Variants in LOC400499 observed in about 807,000 individuals in gnomAD.
the LOC400499 span, chr16:11,383,890 C>A: frequency 1.6e-6 from 2 of 1,232,122 alleles, no homozygotes; most frequent in Non-Finnish European, 2.0e-6. Flanking sequence ...ACTCACCACC[C>A]GGAAGCAGTC....
At chr16:11,449,081 C>G in the LOC400499 span, 1 of 1,476,370 alleles carries the variant, frequency 6.8e-7, no homozygotes. Flanking sequence ...GGAAGAGGCT[C>G]TGTGCCAAGA....
chr16:11,421,418 T>C, the LOC400499 span, among the ~76,000 whole-genome samples: 20 of 152,106 alleles, frequency 1.3e-4, no homozygotes, highest in Middle Eastern at 3.4e-3. Context: ...TGTTTTTTTT[T>C]TGAGACTGAG....
At chr16:11,470,065 G>GTT in the LOC400499 span, among the ~76,000 whole-genome samples, 2 of 151,724 alleles carry the variant, frequency 1.3e-5, no homozygotes, top group African/African-American at 4.8e-5. Flanking sequence ...AACAAGCCCA[G>GTT]TTTTTTTTTG....
the LOC400499 span, among the ~76,000 whole-genome samples, chr16:11,402,513 G>A: frequency 6.6e-5 from 10 of 152,298 alleles, no homozygotes; most frequent in African/African-American, 7.2e-5. Flanking sequence ...CCAGGCCTTA[G>A]GAGGCCTCAC....
At chr16:11,372,557 A>G in the LOC400499 span, 1 of 160,808 alleles carries the variant, frequency 6.2e-6, no homozygotes, top group East Asian at 1.9e-4. Flanking sequence ...TTTTGAGCCC[A>G]GTGGCAATGA....
chr16:11,393,175 G>T, the LOC400499 span, among the ~76,000 whole-genome samples: 1 of 122,496 alleles, frequency 8.2e-6, no homozygotes, highest in African/African-American at 3.2e-5. Flanking sequence ...TTTTTTTTAA[G>T]TAGAGACGGG....
At chr16:11,519,870 T>A in the LOC400499 span, among the ~76,000 whole-genome samples, 1 of 151,942 alleles carries the variant, frequency 6.6e-6, no homozygotes, top group Non-Finnish European at 1.5e-5. Flanking sequence ...CACGCCCACC[T>A]AATTTTGTAT....
the LOC400499 span, chr16:11,392,561 T>G: frequency 2.5e-6 from 1 of 396,426 alleles, no homozygotes; most frequent in African/African-American, 2.1e-5. Context: ...CCACTCCCCC[T>G]CCACCGCTTT....
At chr16:11,521,047 T>G in the LOC400499 span, among the ~76,000 whole-genome samples, 556 of 152,294 alleles carry the variant, frequency 3.7e-3, 2 homozygotes, top group African/African-American at 0.013. Flanking sequence ...CAACCACAAG[T>G]GTTTTGAAGG....
chr16:11,408,451 ATTTTT>A, the LOC400499 span, among the ~76,000 whole-genome samples: 11 of 131,210 alleles, frequency 8.4e-5, no homozygotes, highest in Non-Finnish European at 1.1e-4. Context: ...TCAGTGCAGG[ATTTTT>A]TTTTTTTTTT....
chr16:11,414,173 G>A, the LOC400499 span, among the ~76,000 whole-genome samples: 1 of 152,252 alleles, frequency 6.6e-6, no homozygotes, highest in Non-Finnish European at 1.5e-5. Flanking sequence ...CTGCTCAGCA[G>A]ACCTGGTTAT....
the LOC400499 span, among the ~76,000 whole-genome samples, chr16:11,511,514 A>G: frequency 6.6e-6 from 1 of 152,222 alleles, no homozygotes; most frequent in Non-Finnish European, 1.5e-5. Context: ...TTCAGCAATG[A>G]AAAAGAAAAA....
chr16:11,380,756 T>G, the LOC400499 span: 2 of 152,174 alleles, frequency 1.3e-5, no homozygotes, highest in Non-Finnish European at 2.9e-5. Flanking sequence ...TACCATTCCA[T>G]TGTGACACTG....
At chr16:11,512,401 G>C in the LOC400499 span, among the ~76,000 whole-genome samples, 2 of 152,274 alleles carry the variant, frequency 1.3e-5, no homozygotes, top group South Asian at 2.1e-4. Flanking sequence ...TCAGGAGTTT[G>C]AGACCAGCCT....
the LOC400499 span, chr16:11,425,061 C>G: frequency 3.1e-4 from 123 of 398,606 alleles, no homozygotes; most frequent in East Asian, 4.3e-3. Flanking sequence ...TTTATCCCCC[C>G]TCCCTTGGCT....
the LOC400499 span, chr16:11,446,626 C>T: frequency 1.3e-6 from 2 of 1,536,114 alleles, no homozygotes; most frequent in Non-Finnish European, 1.7e-6. Flanking sequence ...ATGCATCAGA[C>T]CTGCACAGAC....
At chr16:11,396,204 GGCA>G in the LOC400499 span, among the ~76,000 whole-genome samples, 1 of 152,220 alleles carries the variant, frequency 6.6e-6, no homozygotes, top group African/African-American at 2.4e-5. Flanking sequence ...GGTACCAGGA[GGCA>G]GCTAGGCTGG....
chr16:11,414,831 A>G, the LOC400499 span, among the ~76,000 whole-genome samples: 1 of 152,198 alleles, frequency 6.6e-6, no homozygotes, highest in Non-Finnish European at 1.5e-5. Context: ...CTTGGCTGCC[A>G]GGCATCCTCC....
the LOC400499 span, among the ~76,000 whole-genome samples, chr16:11,509,506 T>G: frequency 5.9e-5 from 9 of 151,964 alleles, no homozygotes; most frequent in African/African-American, 2.2e-4. Flanking sequence ...CAAGGCAAGA[T>G]GCAGAACAAT....
Sources: gnomAD v4.1 joint callset for allele counts (sites outside exome capture counted in the v4.1 genomes callset) on GRCh38, gnomAD v4.1.1 for gene constraint, MANE v1.5 for transcripts.